COL6A6: variants seen among roughly 807,000 people sequenced by gnomAD.
COL6A6 encodes the protein collagen alpha-6(VI) chain.
COL6A6 carries 183 observed loss-of-function variants against 208.6 expected under a neutral mutation model. The observed-to-expected ratio is 0.88, with a 90% confidence interval of 0.78 to 0.99. The LOEUF (loss-of-function observed/expected upper bound fraction) is 0.99. Ranked by LOEUF, COL6A6 falls within the 50% of genes least tolerant of loss-of-function variation. The pLI is 0.00. For missense variants in COL6A6, 2,816 were observed against 2,815.2 expected, an observed-to-expected ratio of 1.00 and a Z score of -0.01; for synonymous variants, 973 against 1,011.8, an observed-to-expected ratio of 0.96 and a Z score of 0.73.
At chr3:130,614,325 A>G (rs1372486782) in intron 23 of COL6A6, among the ~76,000 whole-genome samples, 2 of 152,188 alleles carry the variant, frequency 1.3e-5, no homozygotes, top group Non-Finnish European at 2.9e-5. Flanking sequence ...TGATTTGTAT[A>G]TGTTGAACCA....
intron 21 of COL6A6, among the ~76,000 whole-genome samples, chr3:130,607,637 A>G (rs1187066518): frequency 6.6e-6 from 1 of 152,222 alleles, no homozygotes; most frequent in Admixed American, 6.5e-5. Context: ...GAAAAGAATG[A>G]AAAATTAGAT....
intron 36 of COL6A6, among the ~76,000 whole-genome samples, chr3:130,673,219 A>AAAAAAAACC (rs2066271383): frequency 9.1e-6 from 1 of 109,630 alleles, no homozygotes; most frequent in African/African-American, 5.8e-5. Context: ...AAAAAAAACA[A>AAAAAAAACC]AAAAAAAAAA....
intron 18 of COL6A6, 47 bp downstream of exon 18, chr3:130,594,390 G>A (rs181969147): frequency 1.9e-4 from 283 of 1,451,904 alleles, no homozygotes; most frequent in East Asian, 1.9e-3. Flanking sequence ...ATTCCCATCC[G>A]TACTTCTGAT....
At chr3:130,621,003 T>G (rs1458676319) in intron 23 of COL6A6, among the ~76,000 whole-genome samples, 1 of 152,202 alleles carries the variant, frequency 6.6e-6, no homozygotes, top group Non-Finnish European at 1.5e-5. Context: ...AAGGTAGTTG[T>G]GTCATCTCTG....
intron 1 of COL6A6, among the ~76,000 whole-genome samples, chr3:130,517,900 CT>C (rs1710835680): frequency 2.0e-5 from 3 of 152,200 alleles, no homozygotes; most frequent in Non-Finnish European, 1.5e-5. Context: ...GAGGGTTGGA[CT>C]TTTACTGCTG....
In COL6A6 at chr3:130,661,925, G is replaced by GT; in HGVS notation, c.6120dup (p.Lys2041Ter). The GT allele has an allele frequency of 6.2e-7, 1 of 1,613,998 alleles. No individual in the cohort carries two copies. The stretch of plus-strand genomic sequence containing the variant: ...GAGTTCAATCTTACCACCTACAGAA[G>GT]TAAGCGCCTCATGAAGAGGCATGTG... On this transcript the variant is annotated frameshift_variant, in exon 35 of 37. Transcript: ENST00000358511. LOFTEE classifies it high-confidence loss of function.
At position 130,675,403 on chromosome 3, in the gene COL6A6, T is replaced by G; in HGVS notation, c.*6T>G. ...CTCCCAAACAACATGATTAAAAAAATGCTTGAACAACTTAGCCTTAGGAAG... is the reference window on the plus strand; with the variant it reads ...CTCCCAAACAACATGATTAAAAAAAGGCTTGAACAACTTAGCCTTAGGAAG... On this transcript the variant is annotated 3_prime_UTR_variant, in exon 37 of 37. Transcript: ENST00000358511. The G allele has an allele frequency of 6.4e-7, 1 of 1,563,932 alleles. No individual in the cohort carries two copies. The highest frequency in any genetic ancestry group is 8.7e-7 in the Non-Finnish European group (1 of 1,155,936).
Position 130,661,891 on chromosome 3 carries a change from G to A in COL6A6, c.6085G>A (p.Val2029Ile). Residue 2029 changes from valine (V) to isoleucine (I), a missense_variant, in exon 35 of 37, where the codon GTT becomes ATT. By Grantham distance (29) the Val-to-Ile change is conservative. Transcript: ENST00000358511. ...CCTACCCAACACTCAGAAGAGTCCA[G>A]TTAGAGCTGAGTTCAATCTTACCAC... ...DFLPNTQKSPVRAEFNLTTYR... is the reference protein window; with the variant it reads ...DFLPNTQKSPIRAEFNLTTYR... 1 of 1,613,984 alleles carries A rather than the reference G, an allele frequency of 6.2e-7. No homozygotes were observed. The highest frequency in any genetic ancestry group is 8.5e-7 in the Non-Finnish European group (1 of 1,179,878).
intron 1 of COL6A6, among the ~76,000 whole-genome samples, chr3:130,558,199 A>G (rs1276614300): frequency 2.0e-5 from 3 of 152,194 alleles, no homozygotes; most frequent in Non-Finnish European, 4.4e-5. Context: ...CATAACTGGT[A>G]ATAGAACAAC....
Position 130,519,023 on chromosome 3 carries a change from C to T in COL6A6, c.-32+1626C>T, listed in dbSNP as rs116193745. Among the ~76,000 whole-genome samples the T allele has an allele frequency of 6.6e-3, 996 of 152,048 alleles. 9 individuals carry two copies. The highest frequency in any genetic ancestry group is 0.023 in the African/African-American group (963 of 41,496). ...CTAAATTTTTTGTGAACCAATTCTC[C>T]GGAAATACTATTGTTGAATATAAAT... On this transcript the variant is annotated intron_variant, in intron 1 of 36. Transcript: ENST00000358511.
intron 33 of COL6A6, among the ~76,000 whole-genome samples, chr3:130,657,160 C>T (rs6800664): frequency 0.025 from 3,745 of 152,350 alleles, 136 homozygotes; most frequent in East Asian, 0.1. Context: ...AGGCTCTTAC[C>T]CTGCCAACTC....
intron 3 of COL6A6, among the ~76,000 whole-genome samples, chr3:130,564,306 T>C (rs577675797): frequency 1.3e-5 from 2 of 152,346 alleles, no homozygotes; most frequent in East Asian, 3.9e-4. Context: ...ACTTCTCTCC[T>C]GGTCTGTCCT....
chr3:130,591,265 G>A (rs2063709213), intron 13 of COL6A6, among the ~76,000 whole-genome samples, 171 bp downstream of exon 13: 1 of 152,164 alleles, frequency 6.6e-6, no homozygotes, highest in Non-Finnish European at 1.5e-5. Context: ...GTCATTAGTG[G>A]TTTATTGACC....
intron 1 of COL6A6, among the ~76,000 whole-genome samples, chr3:130,538,791 C>A (rs932564506): frequency 3.9e-5 from 6 of 152,076 alleles, no homozygotes; most frequent in Non-Finnish European, 7.4e-5. Context: ...AGTGATTCTG[C>A]CTGTGCCTCG....
chr3:130,546,291 G>A (rs186999643), intron 1 of COL6A6, among the ~76,000 whole-genome samples: 3 of 152,080 alleles, frequency 2.0e-5, no homozygotes, highest in African/African-American at 7.2e-5. Context: ...AGACCTTCGC[G>A]ATGAGTGTTA....
chr3:130,652,625 A>T (rs748373631), intron 33 of COL6A6, among the ~76,000 whole-genome samples: 4 of 152,352 alleles, frequency 2.6e-5, no homozygotes, highest in Middle Eastern at 3.4e-3. Flanking sequence ...AGAGCCATAT[A>T]TGCAACTTGG....
chr3:130,597,243 A>G (rs1176788638), intron 18 of COL6A6, among the ~76,000 whole-genome samples: 1 of 152,192 alleles, frequency 6.6e-6, no homozygotes, highest in Non-Finnish European at 1.5e-5. Context: ...GTAAGAGACA[A>G]ATATTTAAAC....
chr3:130,525,548 A>AT (rs761053423), intron 1 of COL6A6, among the ~76,000 whole-genome samples: 2 of 152,138 alleles, frequency 1.3e-5, no homozygotes, highest in Non-Finnish European at 2.9e-5. Context: ...CGTTTCAAGT[A>AT]TTTTTTTAAG....
rs774352859 is a variant in COL6A6 at position 130,567,205 on chromosome 3, T to C, written c.1786T>C (p.Phe596Leu). Residue 596 changes from phenylalanine (F) to leucine (L), a missense_variant, in exon 5 of 37, where the codon TTT becomes CTT. Transcript: ENST00000358511. ...AAAGAGAGTGTATTACGTGCATGAC[T>C]TTGATGCATTGAAAGACATAAGAAA... is the stretch of plus-strand genomic sequence containing the variant. ...EEKRVYYVHD[F>L]DALKDIRNQV... The C allele has an allele frequency of 6.2e-7, 1 of 1,613,278 alleles. No individual in the cohort carries two copies. The highest frequency in any genetic ancestry group is 8.5e-7 in the Non-Finnish European group (1 of 1,179,838).
Sources: allele counts gnomAD v4.1 joint callset (sites outside exome capture counted in the v4.1 genomes callset), GRCh38; gene constraint gnomAD v4.1.1; transcripts MANE v1.5; gene names NCBI Gene and HGNC (gene_info 2026-07-23, HGNC 2026-07-21).